ACTR3B: variants seen among roughly 807,000 people sequenced by gnomAD.
ACTR3B encodes the protein actin related protein 3B.
In ACTR3B, 8 loss-of-function variants were observed where a neutral mutation model predicts 59.0. That is an observed-to-expected ratio of 0.14 (90% CI 0.08 to 0.24). ACTR3B has a LOEUF of 0.24. ACTR3B is among the 10% of genes least tolerant of loss of function. The pLI is 1.00. For synonymous variants in ACTR3B, 148 were observed against 197.9 expected (o/e 0.75, Z 2.12); for missense variants, 245 against 552.3 (o/e 0.44, Z 5.58).
chr7:152,832,140 C>G lies in ACTR3B; in HGVS notation c.951+7018C>G, dbSNP rs551184028. 4.5e-4 allele frequency among the ~76,000 whole-genome samples: 68 copies of G among 152,060 alleles called. 1 individual carries two copies. Among genetic ancestry groups the G allele is most frequent in the African/African-American group, 1.6e-3 (67 of 41,468 alleles). On this transcript the variant is annotated intron_variant, in intron 9 of 11. Transcript: ENST00000256001. ...AGGAAGCCGGGAGAGGAGAGAGGCT[C>G]CAGAGCATAGGTGAGAGCTTGACAA...
intron 5 of ACTR3B, among the ~76,000 whole-genome samples, chr7:152,816,028 C>T (rs558821783): frequency 2.6e-5 from 4 of 151,988 alleles, no homozygotes; most frequent in South Asian, 4.2e-4. Context: ...CTCACTCTAG[C>T]TGCGACCTTC....
intron 1 of ACTR3B, among the ~76,000 whole-genome samples, chr7:152,769,401 A>G (rs918335742): frequency 1.3e-5 from 2 of 152,098 alleles, no homozygotes; most frequent in African/African-American, 4.8e-5. Context: ...AGATATCAAG[A>G]TGTGTGATCC....
At chr7:152,796,860 G>GTT (rs779909545) in intron 2 of ACTR3B, among the ~76,000 whole-genome samples, 2 of 54,738 alleles carry the variant, frequency 3.7e-5, no homozygotes, top group Admixed American at 2.9e-4. Context: ...TAGTTTTTGT[G>GTT]TTTTTTTTTT....
chr7:152,773,119 A>C (rs1432184184), intron 1 of ACTR3B, among the ~76,000 whole-genome samples: 4 of 148,786 alleles, frequency 2.7e-5, no homozygotes, highest in African/African-American at 9.9e-5. Context: ...AAAAGGAAAC[A>C]GGCAACAACA....
intron 4 of ACTR3B, chr7:152,812,017 G>GTTTTTTTTTT (rs1156557265): frequency 6.6e-5 from 3 of 45,462 alleles, no homozygotes; most frequent in African/African-American, 9.5e-5. Context: ...GAAAATAAAA[G>GTTTTTTTTTT]TCTTTTTTTT....
At chr7:152,780,629 A>T (rs1007136152) in intron 1 of ACTR3B, among the ~76,000 whole-genome samples, 1 of 151,608 alleles carries the variant, frequency 6.6e-6, no homozygotes, top group African/African-American at 2.4e-5. Context: ...GCTGTGGGCC[A>T]TAGTTATGAT....
Position 152,824,971 on chromosome 7 carries a change from C to G in ACTR3B, c.859-59C>G. 6.5e-7 allele frequency: 1 copy of G among 1,536,150 alleles called. No homozygotes were observed. The highest frequency in any genetic ancestry group is 8.9e-7 in the Non-Finnish European group (1 of 1,122,052). On this transcript the variant is annotated intron_variant, in intron 8 of 11. Coordinates refer to ENST00000256001, the MANE Select transcript of ACTR3B (RefSeq NM_020445.6). This position sits in a 1 kb window ranked among gnomAD's most constrained non-coding sequence, Gnocchi z 4.2. ...GTTAAAGTTACTTTAAAGAAGTGTGCATGTTGTTCTATTTGAGAGAAATGT... is the reference window on the plus strand; with the variant it reads ...GTTAAAGTTACTTTAAAGAAGTGTGGATGTTGTTCTATTTGAGAGAAATGT...
intron 2 of ACTR3B, among the ~76,000 whole-genome samples, chr7:152,784,370 C>G (rs1422147293): frequency 6.6e-6 from 1 of 152,154 alleles, no homozygotes; most frequent in Non-Finnish European, 1.5e-5. Flanking sequence ...GGCTAAAGCT[C>G]TATTTGGTGA....
At chr7:152,765,126 TTTTTTC>T (rs1483838598) in intron 1 of ACTR3B, among the ~76,000 whole-genome samples, 4 of 123,518 alleles carry the variant, frequency 3.2e-5, no homozygotes, top group African/African-American at 1.2e-4. Flanking sequence ...TTTTTTTTTT[TTTTTTC>T]CGGAGACAGA....
chr7:152,786,834 A>G (rs2098176323), intron 2 of ACTR3B, among the ~76,000 whole-genome samples: 1 of 152,192 alleles, frequency 6.6e-6, no homozygotes, highest in African/African-American at 2.4e-5. Context: ...ATGGTATCAC[A>G]CTGTAAATAA....
intron 1 of ACTR3B, among the ~76,000 whole-genome samples, chr7:152,764,887 A>G (rs1017300910): frequency 1.5e-4 from 23 of 152,084 alleles, no homozygotes; most frequent in African/African-American, 4.8e-4. Context: ...ACCAACCTAG[A>G]ATAAATGATA....
At chr7:152,787,513 C>T (rs2098178555) in intron 2 of ACTR3B, among the ~76,000 whole-genome samples, 1 of 151,618 alleles carries the variant, frequency 6.6e-6, no homozygotes, top group South Asian at 2.1e-4. Context: ...TGCATTTCTA[C>T]TCCAAAGTCA....
In ACTR3B at chr7:152,847,701, C is replaced by T. The variant is rs535394048; in HGVS notation, c.952-4425C>T. On this transcript the variant is annotated intron_variant, in intron 9 of 11. Transcript: ENST00000256001. ...GAGCCCGTGCACACAGTTCTGTGGT[C>T]GCACCTAGCTGTGGGAGAGGCCCCT... Among the ~76,000 whole-genome samples the T allele has an allele frequency of 5.1e-4, 78 of 152,250 alleles. 1 individual carries two copies. Among genetic ancestry groups the T allele is most frequent in the Admixed American group, 1.9e-3 (29 of 15,296 alleles).
chr7:152,793,688 A>G (rs748736473), intron 2 of ACTR3B, among the ~76,000 whole-genome samples: 41 of 137,818 alleles, frequency 3.0e-4, no homozygotes, highest in Middle Eastern at 7.7e-3. Context: ...GGCATTGTCT[A>G]TTCATTGTCT....
At chr7:152,821,329 T>C (rs907614289) in intron 7 of ACTR3B, among the ~76,000 whole-genome samples, 12 of 152,108 alleles carry the variant, frequency 7.9e-5, no homozygotes, top group Non-Finnish European at 1.8e-4. Flanking sequence ...CTGTTAGAAA[T>C]GTAAGTCAGA....
At chr7:152,789,064 AAACAAC>A (rs71182043) in intron 2 of ACTR3B, among the ~76,000 whole-genome samples, 25 of 137,942 alleles carry the variant, frequency 1.8e-4, no homozygotes, top group South Asian at 4.5e-4. Context: ...CAGCAACAAC[AAACAAC>A]AACAACAACA....
intron 1 of ACTR3B, among the ~76,000 whole-genome samples, chr7:152,774,752 CT>C (rs2098132480): frequency 1.3e-5 from 2 of 152,140 alleles, no homozygotes; most frequent in South Asian, 4.2e-4. Flanking sequence ...TAAGTTTGAA[CT>C]TTATATATTG....
intron 4 of ACTR3B, among the ~76,000 whole-genome samples, chr7:152,803,444 C>T (rs2098243091): frequency 6.6e-6 from 1 of 152,204 alleles, no homozygotes; most frequent in African/African-American, 2.4e-5. Context: ...TCCCACCTGT[C>T]AGATTTGGCA....
At chr7:152,772,561 A>G (rs2098126567) in intron 1 of ACTR3B, among the ~76,000 whole-genome samples, 1 of 151,274 alleles carries the variant, frequency 6.6e-6, no homozygotes, top group Non-Finnish European at 1.5e-5. Context: ...TTAGGGCAAG[A>G]AGGAAGACAA....
Sources: allele counts gnomAD v4.1 joint callset (sites outside exome capture counted in the v4.1 genomes callset), GRCh38; gene constraint gnomAD v4.1.1; non-coding constraint Gnocchi (gnomAD v3.1); transcripts MANE v1.5; gene names NCBI Gene and HGNC (gene_info 2026-07-23, HGNC 2026-07-21).